The following USF1 variants were observed in gnomAD, a reference collection of about 807,000 sequenced individuals.
USF1 encodes the protein upstream stimulatory factor 1.
A neutral mutation model predicts 46.3 loss-of-function variants in USF1; 22 were observed. That is an observed-to-expected ratio of 0.47 (90% CI 0.34 to 0.68). The LOEUF (loss-of-function observed/expected upper bound fraction) is 0.68, where lower values mean the gene tolerates loss of function less well. Among genes scored for constraint, USF1 ranks in the 30% least tolerant of loss-of-function variants. The probability of loss-of-function intolerance (pLI) is 0.01; values close to 1 mark genes in which losing one functional copy is unlikely to be tolerated. For synonymous variants in USF1, 150 were observed against 147.0 expected, an observed-to-expected ratio of 1.02 and a Z score of -0.15; for missense variants, 287 against 399.3, an observed-to-expected ratio of 0.72 and a Z score of 2.40.
Position 161,041,398 on chromosome 1 carries a change from C to A in USF1, c.486G>T (p.Val162=). The part of the protein sequence containing the change: ...ATPPGTGQFF[V]MMSPQEVLQG... ...GCAGTACTTCTTGTGGTGACATCAT[C>A]ACAAAGAATTGACCTGTGAAGATGC... The change falls in exon 7 of 11, where the codon GTG becomes GTT. Residue 162 remains valine (V), a synonymous_variant. Coordinates refer to ENST00000368021, the MANE Select transcript of USF1 (RefSeq NM_007122.5). 6.2e-7 allele frequency: 1 copy of A among 1,613,204 alleles called. No homozygotes were observed. Among genetic ancestry groups the A allele is most frequent in the Non-Finnish European group, 8.5e-7 (1 of 1,179,740 alleles).
At chr1:161,042,903 A>C in intron 2 of USF1, 21 bp from the exon 3 acceptor site, 1 of 1,614,194 alleles carries the variant, frequency 6.2e-7, no homozygotes, top group South Asian at 1.1e-5. Flanking sequence ...TGAAAGGACA[A>C]AAGGAAGAGT....
At chr1:161,043,782 C>T (rs1051909538) in intron 1 of USF1, among the ~76,000 whole-genome samples, 1 of 151,334 alleles carries the variant, frequency 6.6e-6, no homozygotes, top group Admixed American at 6.6e-5. Context: ...CACCACCACG[C>T]CTGGCTAATT....
At chr1:161,042,511 C>A in intron 4 of USF1, 44 bp downstream of exon 4, 1 of 1,605,928 alleles carries the variant, frequency 6.2e-7, no homozygotes, top group East Asian at 2.2e-5. Flanking sequence ...TCCCTCAATC[C>A]CAACCCCAGA....
intron 5 of USF1, 123 bp from the exon 6 acceptor site, chr1:161,041,969 G>C: frequency 7.9e-7 from 1 of 1,267,214 alleles, no homozygotes; most frequent in Non-Finnish European, 1.1e-6. Flanking sequence ...GAGAGAGAGA[G>C]AAACATCCAG....
At chr1:161,042,811 T>C (rs1172024721) in intron 3 of USF1, 22 bp downstream of exon 3, 4 of 1,614,208 alleles carry the variant, frequency 2.5e-6, no homozygotes, top group South Asian at 2.2e-5. Context: ...TTCTTAGTCT[T>C]GGTTCTGTTT....
At chr1:161,041,155 A>C (rs1344631909) in intron 7 of USF1, among the ~76,000 whole-genome samples, 169 bp downstream of exon 7, 3 of 149,806 alleles carry the variant, frequency 2.0e-5, no homozygotes, top group African/African-American at 4.9e-5. Flanking sequence ...CCAGCTACTC[A>C]GGAGGCTGAG....
At chr1:161,043,131 A>C (rs531849725) in intron 2 of USF1, 137 bp downstream of exon 2, 94 of 1,500,386 alleles carry the variant, frequency 6.3e-5, no homozygotes, top group Non-Finnish European at 8.2e-5. Context: ...ATAGATAGAG[A>C]AACCAAATCA....
intron 4 of USF1, 38 bp downstream of exon 4, chr1:161,042,517 C>G: frequency 6.2e-7 from 1 of 1,609,352 alleles, no homozygotes. Context: ...AATCCCAACC[C>G]CAGATAACAC....
At chr1:161,042,338 C>A in intron 4 of USF1, 121 bp from the exon 5 acceptor site, 1 of 1,131,536 alleles carries the variant, frequency 8.8e-7, no homozygotes, top group South Asian at 1.5e-5. Context: ...CCTTCAGAGA[C>A]ATGGATTCAG....
In USF1 at chr1:161,041,254, T is replaced by C. The variant is rs565625388; in HGVS notation, c.560+70A>G. 2,703 of 1,213,878 alleles carry C rather than the reference T, an allele frequency of 2.2e-3. 64 individuals are homozygous for C. In the South Asian group the frequency reaches 0.031, roughly 14 times the overall value. The allele number at this position is 1,213,878 out of a possible 1,614,324, so 75.2% of individuals were successfully genotyped here. On this transcript the variant is annotated intron_variant, in intron 7 of 10. Coordinates refer to ENST00000368021, the MANE Select transcript of USF1 (RefSeq NM_007122.5). Reference sequence around the variant, plus strand: ...TCCAGCCTGGGTGACAGAGCAAGACTCTGTCTCAAAAAAAAAAAAAAAAAA... The same window carrying C: ...TCCAGCCTGGGTGACAGAGCAAGACCCTGTCTCAAAAAAAAAAAAAAAAAA...
Position 161,039,976 on chromosome 1 carries a change from G to A in USF1, c.877C>T (p.Arg293Ter), listed in dbSNP as rs1650457141. ...AATCCGTGGTGCCGCAACTGAGCTC[G>A]AAGCAGCAGATTCTTGTTTTTAAGA... ...EDLKNKNLLL[R>*]AQLRHHGLEV... The change falls in exon 11 of 11, where the codon CGA becomes TGA. Residue 293 changes from arginine (R) to a stop codon, truncating the protein, a stop_gained. Coordinates refer to ENST00000368021, the MANE Select transcript of USF1 (RefSeq NM_007122.5). LOFTEE classifies it high-confidence loss of function. 1.2e-6 allele frequency: 2 copies of A among 1,614,180 alleles called. No individual in the cohort carries two copies. Among genetic ancestry groups the A allele is most frequent in the Non-Finnish European group, 1.7e-6 (2 of 1,180,036 alleles).
At position 161,042,190 on chromosome 1, in the gene USF1, C is replaced by T; in HGVS notation, c.202G>A (p.Glu68Lys). The T allele has an allele frequency of 6.2e-7, 1 of 1,613,998 alleles. No homozygotes were observed. Residue 68 changes from glutamate (E) to lysine (K), a missense_variant, in exon 5 of 11, where the codon GAG becomes AAG. Glu to Lys is a moderately conservative substitution (Grantham distance 56). Transcript: ENST00000368021. ...TCAGTTTGGCCATCCAGCTGCCCCT[C>T]AGACACCTGGATCACCCTGTACATC... ...QVMYRVIQVS[E>K]GQLDGQTEGT... is the part of the protein sequence containing the mutation.
chr1:161,042,645 T>C lies in USF1; in HGVS notation c.84A>G (p.Pro28=). The C allele has an allele frequency of 6.2e-7, 1 of 1,614,148 alleles. No individual in the cohort carries two copies. Among genetic ancestry groups the C allele is most frequent in the Non-Finnish European group, 8.5e-7 (1 of 1,180,034 alleles). The change falls in exon 4 of 11, where the codon CCA becomes CCG. Residue 28 remains proline, a synonymous_variant. Transcript: ENST00000368021. Reference sequence around the variant, plus strand: ...GGATGCTGGCAATAGCCACACTGGTTGGGTCTTCCCCAGTAGCCACTGCAC... The same window carrying C: ...GGATGCTGGCAATAGCCACACTGGTCGGGTCTTCCCCAGTAGCCACTGCAC... ...QEGAVATGED[P]TSVAIASIQS...
chr1:161,039,306 GAAAAAA>G lies in USF1; in HGVS notation c.*608_*613del, dbSNP rs878918763. ...AAAAAAAAAAAAAAAAAAAAGAAAA[GAAAAAA>G]AAAAAACGACCCCCACAAGGGGGAA... On this transcript the variant is annotated 3_prime_UTR_variant, in exon 11 of 11. Coordinates refer to ENST00000368021, the MANE Select transcript of USF1 (RefSeq NM_007122.5). 1.1e-5 allele frequency: 1 copy of G among 91,518 alleles called. No individual in the cohort carries two copies. Among genetic ancestry groups the G allele is most frequent in the African/African-American group, 4.6e-5 (1 of 21,898 alleles). 5.7% of individuals were successfully genotyped at this position (91,518 alleles called of 1,614,324 possible).
intron 5 of USF1, 91 bp from the exon 6 acceptor site, chr1:161,041,937 A>G: frequency 2.9e-6 from 4 of 1,395,514 alleles, no homozygotes; most frequent in Non-Finnish European, 4.0e-6. Context: ...TTGGGGTGGT[A>G]GGTAGGGTGG....
At chr1:161,043,036 A>G (rs75849409) in intron 2 of USF1, among the ~76,000 whole-genome samples, 154 bp from the exon 3 acceptor site, 1 of 152,262 alleles carries the variant, frequency 6.6e-6, no homozygotes, top group Non-Finnish European at 1.5e-5. Flanking sequence ...TACTATGTAC[A>G]TAAGCACTAA....
At position 161,042,185 on chromosome 1, in the gene USF1, C is replaced by T; in HGVS notation, c.207G>A (p.Gly69=). ...TTCCCTCAGTTTGGCCATCCAGCTG[C>T]CCCTCAGACACCTGGATCACCCTGT... is the stretch of plus-strand genomic sequence containing the variant. The part of the protein sequence containing the change: ...VMYRVIQVSE[G]QLDGQTEGTG... Residue 69 remains glycine (G), a synonymous_variant, in exon 5 of 11, where the codon GGG becomes GGA. Transcript: ENST00000368021. The T allele has an allele frequency of 6.2e-7, 1 of 1,613,986 alleles. No individual in the cohort carries two copies. Among genetic ancestry groups the T allele is most frequent in the Non-Finnish European group, 8.5e-7 (1 of 1,179,946 alleles).
rs754518096 is a variant in USF1, at chr1:161,041,275, A to C, written c.560+49T>G. 2.6e-5 allele frequency: 37 copies of C among 1,407,874 alleles called. 1 individual carries two copies. The South Asian group carries it at 2.9e-4, about 11-fold the overall frequency. 87.2% of individuals were successfully genotyped at this position (1,407,874 alleles called of 1,614,324 possible). Reference sequence around the variant, plus strand: ...AGACTCTGTCTCAAAAAAAAAAAAAAAAAAAAAAAACCACTTACGGAATCT... The same window carrying C: ...AGACTCTGTCTCAAAAAAAAAAAAACAAAAAAAAAACCACTTACGGAATCT... On this transcript the variant is annotated intron_variant, in intron 7 of 10. Transcript: ENST00000368021.
In USF1 at chr1:161,039,272, T is replaced by TAAAAAAAAAAAAAAAAAAAA. The variant is rs748404757; in HGVS notation, c.*628_*647dup. 3 of 59,214 alleles carry TAAAAAAAAAAAAAAAAAAAA rather than the reference T, an allele frequency of 5.1e-5. No individual in the cohort carries two copies. The highest frequency in any genetic ancestry group is 7.1e-5 in the African/African-American group (1 of 14,108). 3.7% of individuals were successfully genotyped at this position (59,214 alleles called of 1,614,324 possible). A position where few individuals can be genotyped will look rare whatever the true frequency, so the allele number is the denominator to read the frequency against. On this transcript the variant is annotated 3_prime_UTR_variant, in exon 11 of 11. Transcript: ENST00000368021. Reference sequence around the variant, plus strand: ...ACTGTGGCTTTGAACAATTTTATCTTAAAAAAAAAAAAAAAAAAAAAAAAA... The same window carrying TAAAAAAAAAAAAAAAAAAAA: ...ACTGTGGCTTTGAACAATTTTATCTTAAAAAAAAAAAAAAAAAAAAAAAAAAAAAAAAAAAAAAAAAAAAA...
Sources: gnomAD v4.1 joint callset for allele counts (sites outside exome capture counted in the v4.1 genomes callset) on GRCh38, gnomAD v4.1.1 for gene constraint, MANE v1.5 for transcripts, NCBI Gene and HGNC (gene_info 2026-07-23, HGNC 2026-07-21) for gene names.